The following TP63 variants were observed in gnomAD, a reference collection of about 807,000 sequenced individuals.
The protein encoded by TP63 is tumor protein 63.
Under a neutral mutation model 82.8 loss-of-function variants are expected in TP63, and 17 were observed. The observed-to-expected ratio is 0.21, with a 90% confidence interval of 0.14 to 0.31. TP63 has a LOEUF of 0.31. Ranked by LOEUF, TP63 falls within the 10% of genes least tolerant of loss-of-function variation. The pLI is 1.00. For missense variants in TP63, 648 were observed against 895.3 expected, an observed-to-expected ratio of 0.72 and a Z score of 3.52; for synonymous variants, 330 against 321.7, an observed-to-expected ratio of 1.03 and a Z score of -0.28.
At position 189,858,314 on chromosome 3, in the gene TP63, A is replaced by G. The variant is rs1239624872; in HGVS notation, c.580-5918A>G. Among the ~76,000 whole-genome samples the G allele has an allele frequency of 1.3e-4, 7 of 55,912 alleles. 2 individuals are homozygous for G. The highest frequency in any genetic ancestry group is 8.4e-4 in the Admixed American group (6 of 7,136). 36.7% of individuals were successfully genotyped at this position (55,912 alleles called of 152,430 possible). On this transcript the variant is annotated intron_variant, in intron 4 of 13. Transcript: ENST00000264731. ...CAGCTACTCGGGAGGCTGAGGCAGG[A>G]GAATGGCGTGAACCCCAGGGGGCGG...
intron 1 of TP63, among the ~76,000 whole-genome samples, chr3:189,663,468 C>A (rs934722425): frequency 3.4e-5 from 5 of 148,644 alleles, no homozygotes; most frequent in African/African-American, 9.8e-5. Flanking sequence ...CAATTTCAGG[C>A]AAGATGAACT....
intron 3 of TP63, among the ~76,000 whole-genome samples, chr3:189,800,496 A>G (rs1726181651): frequency 6.6e-6 from 1 of 152,022 alleles, no homozygotes; most frequent in African/African-American, 2.4e-5. Context: ...AAAAGAAAAA[A>G]AAAGCAAATA....
chr3:189,834,772 A>C (rs1712875174), intron 4 of TP63, among the ~76,000 whole-genome samples: 1 of 152,210 alleles, frequency 6.6e-6, no homozygotes, highest in South Asian at 2.1e-4. Context: ...CACAATTCTT[A>C]AATCTCTGCA....
chr3:189,617,034 G>A, the TP63 span, among the ~76,000 whole-genome samples: 4 of 152,130 alleles, frequency 2.6e-5, no homozygotes, highest in Non-Finnish European at 5.9e-5. Flanking sequence ...TGTGGTATGG[G>A]ACTGCAAAAT....
At chr3:189,696,874 T>C (rs1451344055) in intron 1 of TP63, among the ~76,000 whole-genome samples, 1 of 152,158 alleles carries the variant, frequency 6.6e-6, no homozygotes, top group Non-Finnish European at 1.5e-5. Flanking sequence ...CTTTTGCCCA[T>C]TTTAAAATGT....
At chr3:189,844,235 G>T in intron 4 of TP63, 1 of 410,596 alleles carries the variant, frequency 2.4e-6, no homozygotes, top group Non-Finnish European at 4.9e-6. Context: ...GCAATGGCAT[G>T]ATCTCAGCTC....
chr3:189,869,380 C>G lies in TP63; in HGVS notation c.1186C>G (p.Pro396Ala), dbSNP rs752034733. The G allele has an allele frequency of 3.1e-6, 5 of 1,613,998 alleles. No individual in the cohort carries two copies. The South Asian group carries it at 5.5e-5, about 18-fold the overall frequency. ...GACATCCATCAAGAAACGAAGATCC[C>G]CAGATGATGAACTGTTATACTTACC... Reference protein sequence around the residue: ...QMTSIKKRRSPDDELLYLPVR... With the variant: ...QMTSIKKRRSADDELLYLPVR... Residue 396 changes from proline to alanine, a missense_variant, in exon 9 of 14, where the codon CCA (proline) becomes GCA (alanine). By Grantham distance (27) the Pro-to-Ala change is conservative (BLOSUM62 -1). Transcript: ENST00000264731.
chr3:189,715,445 C>G lies in TP63; in HGVS notation c.63-22295C>G, dbSNP rs1718890394. ...AAGGTATAACATCCAGATTTGATCT[C>G]TCTAAGAATGTGCTACCTTTGCTAT... On this transcript the variant is annotated intron_variant, in intron 1 of 13. Coordinates refer to ENST00000264731, the MANE Select transcript of TP63 (RefSeq NM_003722.5). Among the ~76,000 whole-genome samples the G allele has an allele frequency of 2.0e-5, 3 of 152,166 alleles. No individual in the cohort carries two copies. The South Asian group carries it at 6.2e-4, about 32-fold the overall frequency.
At chr3:189,731,752 A>G (rs1464163996) in intron 1 of TP63, among the ~76,000 whole-genome samples, 1 of 152,166 alleles carries the variant, frequency 6.6e-6, no homozygotes, top group Non-Finnish European at 1.5e-5. Flanking sequence ...GAAAAAAAAA[A>G]TTGACTTCGG....
At chr3:189,751,215 A>G (rs760366313) in intron 3 of TP63, among the ~76,000 whole-genome samples, 1 of 152,166 alleles carries the variant, frequency 6.6e-6, no homozygotes, top group Non-Finnish European at 1.5e-5. Flanking sequence ...AGTCCAGTCT[A>G]TCATTGATGG....
intron 3 of TP63, among the ~76,000 whole-genome samples, chr3:189,755,642 G>A (rs1233898376): frequency 6.6e-6 from 1 of 152,030 alleles, no homozygotes; most frequent in African/African-American, 2.4e-5. Context: ...TGTGCTATAT[G>A]CTTAGAAGTG....
intron 1 of TP63, among the ~76,000 whole-genome samples, chr3:189,683,583 A>G (rs1365864774): frequency 6.6e-6 from 1 of 152,226 alleles, no homozygotes; most frequent in East Asian, 1.9e-4. Flanking sequence ...GAAGAGCTAT[A>G]TTTCTTCCTC....
chr3:189,670,757 G>A (rs1157709894), intron 1 of TP63, among the ~76,000 whole-genome samples: 1 of 151,940 alleles, frequency 6.6e-6, no homozygotes, highest in Non-Finnish European at 1.5e-5. Context: ...CTATGTGTTT[G>A]CAGCCAGTTG....
At chr3:189,844,938 C>T (rs916409244) in intron 4 of TP63, among the ~76,000 whole-genome samples, 1 of 152,150 alleles carries the variant, frequency 6.6e-6, no homozygotes, top group Non-Finnish European at 1.5e-5. Flanking sequence ...GGTTCTCTGG[C>T]AACCCTCCAT....
At chr3:189,866,117 C>CTT (rs1007607819) in intron 5 of TP63, among the ~76,000 whole-genome samples, 6 of 152,092 alleles carry the variant, frequency 3.9e-5, no homozygotes, top group African/African-American at 1.4e-4. Flanking sequence ...AATTGCATCC[C>CTT]TTTTCTTACA....
intron 3 of TP63, among the ~76,000 whole-genome samples, chr3:189,779,244 A>G (rs1395110176): frequency 1.3e-5 from 2 of 152,200 alleles, no homozygotes; most frequent in East Asian, 3.8e-4. Context: ...CCTTTGTGAC[A>G]TTATTACAAA....
rs1721341596 is a variant in TP63 at position 189,894,684 on chromosome 3, T to G, written c.*182T>G. The G allele has an allele frequency of 1.3e-6, 1 of 746,972 alleles. No homozygotes were observed. Among genetic ancestry groups the G allele is most frequent in the African/African-American group, 1.8e-5 (1 of 56,894 alleles). 46.3% of individuals were successfully genotyped at this position (746,972 alleles called of 1,614,324 possible). Reference sequence around the variant, plus strand: ...CTGACCTGGCATCTAATTCTGATTCTGGCTTTAAGCCTTCAAAACTATAGC... The same window carrying G: ...CTGACCTGGCATCTAATTCTGATTCGGGCTTTAAGCCTTCAAAACTATAGC... On this transcript the variant is annotated 3_prime_UTR_variant, in exon 14 of 14. Transcript: ENST00000264731.
chr3:189,888,755 G>A (rs1560304733), intron 11 of TP63, among the ~76,000 whole-genome samples: 1 of 152,244 alleles, frequency 6.6e-6, no homozygotes, highest in East Asian at 1.9e-4. Context: ...CCCTGAAAAT[G>A]GACCATAAGT....
intron 1 of TP63, among the ~76,000 whole-genome samples, chr3:189,667,099 A>C (rs1021096696): frequency 6.6e-6 from 1 of 150,922 alleles, no homozygotes; most frequent in Admixed American, 6.6e-5. Context: ...AATTTCCTAA[A>C]CTGTGAAAGA....
Sources: allele counts gnomAD v4.1 joint callset (sites outside exome capture counted in the v4.1 genomes callset), GRCh38; gene constraint gnomAD v4.1.1; transcripts MANE v1.5; gene names NCBI Gene and HGNC (gene_info 2026-07-23, HGNC 2026-07-21).